The following MICAL3 variants were observed in gnomAD, a reference collection of about 807,000 sequenced individuals.
MICAL3 encodes the protein [F-actin]-monooxygenase MICAL3.
In MICAL3, 62 loss-of-function variants were observed where a neutral mutation model predicts 207.4. That is an observed-to-expected ratio of 0.30 (90% CI 0.24 to 0.37). The LOEUF (loss-of-function observed/expected upper bound fraction) is 0.37. Among genes scored for constraint, MICAL3 ranks in the 10% least tolerant of loss-of-function variants. The pLI is 1.00. For synonymous variants in MICAL3, 1,077 were observed against 1,069.3 expected (o/e 1.01, Z -0.14); for missense variants, 2,368 against 2,635.6 (o/e 0.90, Z 2.22).
At chr22:17,944,341 G>A (rs1933954278) in intron 1 of MICAL3, among the ~76,000 whole-genome samples, 1 of 152,320 alleles carries the variant, frequency 6.6e-6, no homozygotes, top group East Asian at 1.9e-4. Flanking sequence ...GAATATGCAA[G>A]GAGAGAGGGG....
chr22:17,981,699 C>A (rs1198000797), intron 1 of MICAL3, among the ~76,000 whole-genome samples: 1 of 152,176 alleles, frequency 6.6e-6, no homozygotes, highest in Non-Finnish European at 1.5e-5. Context: ...GTCTCCACCA[C>A]AGACACAGCA....
chr22:17,917,174 G>A (rs184888660), intron 1 of MICAL3, among the ~76,000 whole-genome samples: 2 of 152,232 alleles, frequency 1.3e-5, no homozygotes, highest in South Asian at 2.1e-4. Context: ...ATAACCAATG[G>A]TGCCTTAATA....
In MICAL3 at chr22:17,817,379, G is replaced by C. The variant is rs1038975814; in HGVS notation, c.5282C>G (p.Pro1761Arg). 1.2e-6 allele frequency: 2 copies of C among 1,612,462 alleles called. No individual in the cohort carries two copies. The highest frequency in any genetic ancestry group is 1.1e-5 in the South Asian group (1 of 90,964). The change falls in exon 26 of 32, where the codon CCC becomes CGC. Residue 1761 changes from proline to arginine, a missense_variant. By Grantham distance (103) the Pro-to-Arg change is moderately radical. Around this residue, in one of 4 missense-constraint regions of MICAL3, gnomAD observed 1,770 missense variants for 1,863.2 expected, o/e 0.95. Transcript: ENST00000441493. ...KKKKADDKSC[P>R]STPSSGATVD... Reference sequence around the variant, plus strand: ...CGTGGCCCCGCTGGAGGGGGTGCTGGGGCAGGACTTGTCGTCGGCCTTCTT... The same window carrying C: ...CGTGGCCCCGCTGGAGGGGGTGCTGCGGCAGGACTTGTCGTCGGCCTTCTT...
chr22:17,979,794 CA>C (rs763234960), intron 1 of MICAL3, among the ~76,000 whole-genome samples: 7 of 126,522 alleles, frequency 5.5e-5, no homozygotes, highest in Non-Finnish European at 8.6e-5. Context: ...CAAAAAAAAA[CA>C]AAAAAAAAAC....
intron 1 of MICAL3, among the ~76,000 whole-genome samples, chr22:18,017,652 C>T (rs1336914389): frequency 6.6e-6 from 1 of 151,752 alleles, no homozygotes; most frequent in Non-Finnish European, 1.5e-5. Flanking sequence ...GTGGTGTGAT[C>T]TCAGCTCACT....
chr22:17,990,946 C>T (rs374833213), intron 1 of MICAL3, among the ~76,000 whole-genome samples: 2 of 152,298 alleles, frequency 1.3e-5, no homozygotes, highest in East Asian at 3.9e-4. Flanking sequence ...TTCTTGCCTG[C>T]CTGTGCCTAA....
chr22:17,875,678 ATAG>A, intron 16 of MICAL3: 2 of 244,738 alleles, frequency 8.2e-6, no homozygotes, highest in Non-Finnish European at 7.1e-6. Context: ...AATACCATGT[ATAG>A]TAAAAAAAAA....
rs898726121 is a variant in MICAL3, at chr22:17,796,686, C to G, written c.5651-5385G>C. ...GAATGTCACACCTGGAAGGGAGGCC[C>G]GATGTCCCTTCCTGCCTCGTCTTCT... On this transcript the variant is annotated intron_variant, in intron 29 of 31. Coordinates refer to ENST00000441493, the MANE Select transcript of MICAL3 (RefSeq NM_015241.3). This position sits in a 1 kb window ranked among gnomAD's most constrained non-coding sequence, Gnocchi z 4.4. Among the ~76,000 whole-genome samples, 2 of 152,188 alleles carry G rather than the reference C, an allele frequency of 1.3e-5. No homozygotes were observed. The highest frequency in any genetic ancestry group is 2.1e-4 in the South Asian group (1 of 4,830).
intron 1 of MICAL3, among the ~76,000 whole-genome samples, chr22:17,961,568 C>T (rs1038374216): frequency 1.3e-5 from 2 of 152,158 alleles, no homozygotes; most frequent in African/African-American, 4.8e-5. Flanking sequence ...GCTCCCAGAG[C>T]CCCTTGCCAA....
rs570791516 is a variant in MICAL3 at position 18,004,072 on chromosome 22, G to C, written c.-75+20209C>G. ...CATGAGCCACTGCGCCTGGCCCCTGGGATAGCCTTTCTAATACCTCCAGAT... is the reference window on the plus strand; with the variant it reads ...CATGAGCCACTGCGCCTGGCCCCTGCGATAGCCTTTCTAATACCTCCAGAT... On this transcript the variant is annotated intron_variant, in intron 1 of 31. Coordinates refer to ENST00000441493, the MANE Select transcript of MICAL3 (RefSeq NM_015241.3). 4.6e-5 allele frequency among the ~76,000 whole-genome samples: 7 copies of C among 150,604 alleles called. No individual in the cohort carries two copies. In the South Asian group the frequency reaches 1.5e-3, roughly 32 times the overall value.
chr22:17,883,599 A>C (rs1208020667), intron 16 of MICAL3, among the ~76,000 whole-genome samples: 2 of 152,162 alleles, frequency 1.3e-5, no homozygotes, highest in Non-Finnish European at 2.9e-5. Context: ...TGTGACACGG[A>C]GGAAACGCAG....
chr22:17,881,147 C>G, intron 16 of MICAL3: 10 of 1,409,082 alleles, frequency 7.1e-6, no homozygotes, highest in Middle Eastern at 3.5e-4. Flanking sequence ...ACACTAGCCA[C>G]CTACACAGAC....
intron 1 of MICAL3, among the ~76,000 whole-genome samples, chr22:17,958,529 C>T (rs1934737847): frequency 6.6e-6 from 1 of 152,134 alleles, no homozygotes; most frequent in Non-Finnish European, 1.5e-5. Flanking sequence ...AACTGGCTCC[C>T]CTACCCCAAA....
At chr22:17,801,621 C>T (rs1253565357) in intron 29 of MICAL3, among the ~76,000 whole-genome samples, 8 of 151,252 alleles carry the variant, frequency 5.3e-5, no homozygotes, top group African/African-American at 1.2e-4. Flanking sequence ...GGGCTGGGCG[C>T]GGTGGCTCAG....
chr22:17,827,513 C>T (rs916402438), intron 22 of MICAL3, 131 bp downstream of exon 22: 8 of 908,082 alleles, frequency 8.8e-6, no homozygotes, highest in Admixed American at 3.1e-5. Flanking sequence ...AGCAGCAAAG[C>T]GGGATGCGCC....
chr22:17,931,528 A>G (rs1157489892), intron 1 of MICAL3, among the ~76,000 whole-genome samples: 5 of 152,224 alleles, frequency 3.3e-5, no homozygotes, highest in Admixed American at 3.3e-4. Context: ...AACAGGACAC[A>G]TGCTCCCTCC....
At chr22:17,942,918 T>A (rs570593029) in intron 1 of MICAL3, among the ~76,000 whole-genome samples, 2 of 152,250 alleles carry the variant, frequency 1.3e-5, no homozygotes, top group African/African-American at 4.8e-5. Context: ...TGAAAGCAGA[T>A]CTCATTGAGT....
chr22:17,877,164 G>A (rs1327919309), intron 16 of MICAL3, among the ~76,000 whole-genome samples: 2 of 123,462 alleles, frequency 1.6e-5, no homozygotes, highest in East Asian at 2.3e-4. Context: ...GGAGGTTATG[G>A]AGGTTAGGGA....
chr22:18,022,405 A>G (rs1000645858), intron 1 of MICAL3, among the ~76,000 whole-genome samples: 1 of 150,948 alleles, frequency 6.6e-6, no homozygotes, highest in Non-Finnish European at 1.5e-5. Context: ...CAGAGTGACT[A>G]CTGCATTCCG....
Sources: gnomAD v4.1 joint callset for allele counts (sites outside exome capture counted in the v4.1 genomes callset) on GRCh38, gnomAD v4.1.1 for gene constraint, gnomAD v4.1.1 regional missense constraint, Gnocchi (gnomAD v3.1) non-coding constraint, MANE v1.5 for transcripts, NCBI Gene and HGNC (gene_info 2026-07-23, HGNC 2026-07-21) for gene names.